Variants in SYTL2 observed in about 807,000 individuals in gnomAD.
The protein encoded by SYTL2 is synaptotagmin like 2.
A neutral mutation model predicts 198.7 loss-of-function variants in SYTL2; 165 were observed. That is an observed-to-expected ratio of 0.83 (90% CI 0.73 to 0.94). The LOEUF is 0.94. SYTL2 is among the 40% of genes least tolerant of loss of function. The pLI is 0.00. For missense variants in SYTL2, 2,835 were observed against 2,582.8 expected, an observed-to-expected ratio of 1.10 and a Z score of -2.12; for synonymous variants, 966 against 917.7, an observed-to-expected ratio of 1.05 and a Z score of -0.95.
chr11:85,736,468 T>C (rs1181753290), intron 6 of SYTL2, 33 bp downstream of exon 6: 2 of 1,170,584 alleles, frequency 1.7e-6, no homozygotes, highest in Non-Finnish European at 2.5e-6. Context: ...ATAACAAAGA[T>C]AAAAAAATCA....
Position 85,724,394 on chromosome 11 carries a change from G to C in SYTL2, c.4964C>G (p.Ser1655Cys), listed in dbSNP as rs1591744185. ...VTDLLVDFCG[S>C]RSGVEIPRTP... ...TCTAGGGATCTCAACTCCACTTCTG[G>C]AACCACAAAAATCTACCAATAAATC... is the stretch of plus-strand genomic sequence containing the variant. The change falls in exon 8 of 20, where the codon TCC becomes TGC. Residue 1655 changes from serine (S) to cysteine (C), a missense_variant. This residue lies in a region of SYTL2 where 2,645 missense variants were observed against 2,381.7 expected (regional missense o/e 1.11). Coordinates refer to ENST00000359152, the MANE Select transcript of SYTL2 (RefSeq NM_206927.4). 6.3e-7 allele frequency: 1 copy of C among 1,596,408 alleles called. No homozygotes were observed. The highest frequency in any genetic ancestry group is 8.5e-7 in the Non-Finnish European group (1 of 1,172,830).
At chr11:85,736,233 T>A (rs2090327152) in intron 6 of SYTL2, among the ~76,000 whole-genome samples, 2 of 152,168 alleles carry the variant, frequency 1.3e-5, no homozygotes, top group African/African-American at 4.8e-5. Context: ...TCAAAAAATC[T>A]CCCAATTTAC....
At chr11:85,769,761 T>A (rs574115312) in intron 1 of SYTL2, among the ~76,000 whole-genome samples, 2 of 152,142 alleles carry the variant, frequency 1.3e-5, no homozygotes, top group South Asian at 2.1e-4. Flanking sequence ...ATCAGCGGCT[T>A]ACATACAGGG....
intron 8 of SYTL2, among the ~76,000 whole-genome samples, chr11:85,723,782 T>A (rs1214917912): frequency 1.3e-5 from 2 of 151,932 alleles, no homozygotes; most frequent in Non-Finnish European, 2.9e-5. Context: ...ATAATTTTTT[T>A]AATTAAGAAA....
chr11:85,842,622 G>A, the SYTL2 span, among the ~76,000 whole-genome samples: 1 of 152,130 alleles, frequency 6.6e-6, no homozygotes, highest in South Asian at 2.1e-4. Context: ...CCCATATAAG[G>A]GTGTTTTTGG....
the SYTL2 span, among the ~76,000 whole-genome samples, chr11:85,828,696 C>T: frequency 6.6e-6 from 1 of 152,184 alleles, no homozygotes; most frequent in Non-Finnish European, 1.5e-5. Flanking sequence ...CTCTCAACAG[C>T]CCTCTAAGAC....
intron 13 of SYTL2, among the ~76,000 whole-genome samples, chr11:85,710,199 T>C (rs1161671689): frequency 1.3e-5 from 2 of 152,142 alleles, no homozygotes; most frequent in Non-Finnish European, 2.9e-5. Context: ...CTGTATCGAA[T>C]TTCCAAGGCA....
At chr11:85,821,508 G>T in the SYTL2 span, among the ~76,000 whole-genome samples, 1 of 152,162 alleles carries the variant, frequency 6.6e-6, no homozygotes, top group Non-Finnish European at 1.5e-5. Flanking sequence ...CAAAGAAGGC[G>T]AGTGTTAGGA....
At chr11:85,703,511 T>C (rs2153388162) in intron 16 of SYTL2, among the ~76,000 whole-genome samples, 1 of 152,264 alleles carries the variant, frequency 6.6e-6, no homozygotes, top group East Asian at 1.9e-4. Context: ...ATTGTCAACC[T>C]AGCAACAGAG....
chr11:85,749,514 G>A (rs1208857008), intron 2 of SYTL2, among the ~76,000 whole-genome samples: 1 of 152,106 alleles, frequency 6.6e-6, no homozygotes, highest in Non-Finnish European at 1.5e-5. Flanking sequence ...GAAAAAGAGG[G>A]GGAGCAGTTA....
chr11:85,727,168 A>G lies in SYTL2; in HGVS notation c.2190T>C (p.Asn730=), dbSNP rs568751829. The change falls in exon 8 of 20, where the codon AAT becomes AAC. Residue 730 remains asparagine, a synonymous_variant. Transcript: ENST00000359152. The stretch of plus-strand genomic sequence containing the variant: ...TTCCTACTTTGCTCTTTCTCTCTGC[A>G]TTCATGTTATCTTTCAAACCTGGTT... ...VKEPGLKDNM[N]AERKSKVGNT... is the part of the protein sequence containing the mutation. 36 of 1,536,526 alleles carry G rather than the reference A, an allele frequency of 2.3e-5. No individual in the cohort carries two copies. The highest frequency in any genetic ancestry group is 1.2e-4 in the South Asian group (10 of 84,062).
intron 14 of SYTL2, among the ~76,000 whole-genome samples, chr11:85,708,663 G>A (rs1042796527): frequency 6.6e-6 from 1 of 151,968 alleles, no homozygotes; most frequent in Non-Finnish European, 1.5e-5. Flanking sequence ...GTTTGAGAGT[G>A]TGGTGGAAAG....
chr11:85,748,995 G>C (rs942320759), intron 2 of SYTL2, among the ~76,000 whole-genome samples: 1 of 152,270 alleles, frequency 6.6e-6, no homozygotes, highest in Non-Finnish European at 1.5e-5. Flanking sequence ...TGATGTCTCT[G>C]ATGCTTATTG....
the SYTL2 span, among the ~76,000 whole-genome samples, chr11:85,850,659 A>T: frequency 6.6e-6 from 1 of 151,240 alleles, no homozygotes; most frequent in Non-Finnish European, 1.5e-5. Flanking sequence ...CATTTGACCC[A>T]GCCATTCCAT....
intron 7 of SYTL2, 110 bp from the exon 8 acceptor site, chr11:85,728,077 C>T (rs763852100): frequency 5.3e-6 from 5 of 938,476 alleles, no homozygotes; most frequent in South Asian, 1.9e-5. Flanking sequence ...CTTTCTATAC[C>T]AATAGCTGTT....
At chr11:85,817,449 T>C in the SYTL2 span, among the ~76,000 whole-genome samples, 2 of 152,258 alleles carry the variant, frequency 1.3e-5, no homozygotes, top group Non-Finnish European at 2.9e-5. Context: ...ATTGATTACA[T>C]GTTGAAATGA....
chr11:85,850,179 G>A, the SYTL2 span, among the ~76,000 whole-genome samples: 2 of 147,542 alleles, frequency 1.4e-5, no homozygotes, highest in Non-Finnish European at 3.0e-5. Flanking sequence ...AGCTTAAGGA[G>A]ATTTTGGGCT....
chr11:85,720,452 C>G (rs1245569487), intron 9 of SYTL2, among the ~76,000 whole-genome samples: 1 of 152,194 alleles, frequency 6.6e-6, no homozygotes, highest in Non-Finnish European at 1.5e-5. Flanking sequence ...ATTCACCTCT[C>G]ATAGGGTTGC....
At chr11:85,796,551 CTT>C (rs2092806711) in intron 1 of SYTL2, among the ~76,000 whole-genome samples, 1 of 152,178 alleles carries the variant, frequency 6.6e-6, no homozygotes, top group Admixed American at 6.5e-5. Context: ...TCCAATAGCT[CTT>C]TGTCACCCAG....
Sources: gnomAD v4.1 joint callset for allele counts (sites outside exome capture counted in the v4.1 genomes callset) on GRCh38, gnomAD v4.1.1 for gene constraint, gnomAD v4.1.1 regional missense constraint, MANE v1.5 for transcripts, NCBI Gene and HGNC (gene_info 2026-07-23, HGNC 2026-07-21) for gene names.